The following MAP4K4 variants were observed in gnomAD, a reference collection of about 807,000 sequenced individuals.
The protein encoded by MAP4K4 is HPK/GCK-like kinase HGK.
In MAP4K4, 38 loss-of-function variants were observed where a neutral mutation model predicts 189.6. The observed-to-expected ratio is 0.20, with a 90% CI of 0.15 to 0.26. The LOEUF (loss-of-function observed/expected upper bound fraction) is 0.26. MAP4K4 is among the 10% of genes least tolerant of loss of function. MAP4K4 has a pLI of 1.00. For synonymous variants in MAP4K4, 610 were observed against 624.3 expected (o/e 0.98, Z 0.34); for missense variants, 1,054 against 1,726.9 (o/e 0.61, Z 6.91).
In MAP4K4 at chr2:101,882,694, T is replaced by C. The variant is rs2098418110; in HGVS notation, c.3520+9T>C. The C allele has an allele frequency of 6.5e-7, 1 of 1,543,020 alleles. No homozygotes were observed. The highest frequency in any genetic ancestry group is 8.7e-7 in the Non-Finnish European group (1 of 1,149,096). On this transcript the variant is annotated intron_variant, in intron 28 of 32. Transcript: ENST00000324219. The stretch of plus-strand genomic sequence containing the variant: ...TGTACATTATAAAGTTGGTAAGTTC[T>C]AGAAGCGTCATATTTTGTTTTTCCA...
chr2:101,886,037 G>A (rs1248557987), intron 29 of MAP4K4, among the ~76,000 whole-genome samples: 2 of 152,006 alleles, frequency 1.3e-5, no homozygotes, highest in African/African-American at 4.8e-5. Context: ...TGTGTTTTTG[G>A]ATTGCTTACT....
At chr2:101,865,629 G>A (rs535146157) in intron 18 of MAP4K4, among the ~76,000 whole-genome samples, 4 of 152,234 alleles carry the variant, frequency 2.6e-5, no homozygotes, top group African/African-American at 9.6e-5. Flanking sequence ...TATAGCTAGT[G>A]GCTATGATAT....
chr2:101,868,983 A>G (rs780993716), intron 21 of MAP4K4, among the ~76,000 whole-genome samples: 3 of 152,174 alleles, frequency 2.0e-5, no homozygotes, highest in Non-Finnish European at 4.4e-5. Flanking sequence ...CTCTAGTTAA[A>G]TAAGCCTGAT....
In MAP4K4 at chr2:101,887,250, C is replaced by G. The variant is rs2150311806; in HGVS notation, c.3771+13C>G. ...TCTACCAACACATGTAAGAAAGAAC[C>G]CACACTCTATGGTTGGTTGACTGGC... On this transcript the variant is annotated intron_variant, in intron 30 of 32. Transcript: ENST00000324219. 6.2e-7 allele frequency: 1 copy of G among 1,603,970 alleles called. No individual in the cohort carries two copies. Among genetic ancestry groups the G allele is most frequent in the East Asian group, 2.2e-5 (1 of 44,614 alleles).
At chr2:101,868,902 TGA>T (rs2150005161) in intron 21 of MAP4K4, among the ~76,000 whole-genome samples, 1 of 152,298 alleles carries the variant, frequency 6.6e-6, no homozygotes, top group Non-Finnish European at 1.5e-5. Context: ...CACAGATCCT[TGA>T]GCTTTGGTGT....
exon 28 of MAP4K4, chr2:101,882,572 T>C (rs1451540234): frequency 6.3e-7 from 1 of 1,597,068 alleles, no homozygotes; most frequent in African/African-American, 1.4e-5. Context: ...AAGTTACGTG[T>C]CTACTATTTG....
chr2:101,885,555 G>A (rs959661497), intron 29 of MAP4K4, among the ~76,000 whole-genome samples: 2 of 152,206 alleles, frequency 1.3e-5, no homozygotes, highest in African/African-American at 4.8e-5. Context: ...AAAGAGAACA[G>A]TACTTCCACC....
At chr2:101,800,843 G>C (rs1178645984) in intron 3 of MAP4K4, among the ~76,000 whole-genome samples, 1 of 152,066 alleles carries the variant, frequency 6.6e-6, no homozygotes, top group Non-Finnish European at 1.5e-5. Context: ...TGATCTCTTG[G>C]TAAATTAAAA....
At chr2:101,848,496 A>G (rs1253439617) in intron 12 of MAP4K4, among the ~76,000 whole-genome samples, 2 of 152,232 alleles carry the variant, frequency 1.3e-5, no homozygotes, top group African/African-American at 4.8e-5. Context: ...CTCATAAGAT[A>G]TTAAAACTGA....
At chr2:101,789,720 C>CA (rs2092515229) in intron 2 of MAP4K4, among the ~76,000 whole-genome samples, 1 of 152,176 alleles carries the variant, frequency 6.6e-6, no homozygotes, top group South Asian at 2.1e-4. Flanking sequence ...CCGTTTCTCA[C>CA]AAAGTTGTTA....
intron 2 of MAP4K4, among the ~76,000 whole-genome samples, chr2:101,720,392 A>T (rs182535670): frequency 3.1e-3 from 470 of 152,000 alleles, no homozygotes; most frequent in Non-Finnish European, 5.6e-3. Context: ...GCCAGGCTGG[A>T]TTTGAACTCC....
At chr2:101,892,698 C>T (rs2098587115) in exon 33 of MAP4K4, 4 of 339,924 alleles carry the variant, frequency 1.2e-5, no homozygotes, top group Non-Finnish European at 2.3e-5. Flanking sequence ...TATCGAAGTC[C>T]TGGCTTTTCT....
chr2:101,843,824 T>C (rs2096999223), intron 11 of MAP4K4, among the ~76,000 whole-genome samples: 1 of 152,208 alleles, frequency 6.6e-6, no homozygotes, highest in African/African-American at 2.4e-5. Flanking sequence ...CCTTTCCTTT[T>C]ACTGAGTTTG....
intron 2 of MAP4K4, among the ~76,000 whole-genome samples, chr2:101,758,006 CAA>C (rs766088058): frequency 1.1e-3 from 169 of 152,298 alleles, no homozygotes; most frequent in Non-Finnish European, 1.8e-3. Flanking sequence ...GCCTGAGTGA[CAA>C]GAGAGACTCC....
chr2:101,706,956 A>G (rs1374222393), intron 2 of MAP4K4, among the ~76,000 whole-genome samples: 3 of 152,084 alleles, frequency 2.0e-5, no homozygotes, highest in Non-Finnish European at 4.4e-5. Context: ...TCCTGTGGGT[A>G]TGGAGTGATG....
At chr2:101,849,220 T>C (rs749782107) in intron 12 of MAP4K4, among the ~76,000 whole-genome samples, 4 of 152,198 alleles carry the variant, frequency 2.6e-5, no homozygotes, top group Non-Finnish European at 5.9e-5. Context: ...CCACCTGGGC[T>C]CAAGTGATCC....
intron 30 of MAP4K4, 62 bp downstream of exon 30, chr2:101,887,299 T>A (rs1433972694): frequency 6.5e-7 from 1 of 1,527,338 alleles, no homozygotes; most frequent in Non-Finnish European, 8.8e-7. Context: ...GACTTTCTTC[T>A]TTACTCTGCT....
exon 17 of MAP4K4, chr2:101,863,919 T>C (rs1015718325): frequency 1.5e-6 from 2 of 1,367,568 alleles, no homozygotes; most frequent in African/African-American, 3.0e-5. Flanking sequence ...CACACCACCA[T>C]CTTCGTTCTC....
intron 2 of MAP4K4, among the ~76,000 whole-genome samples, chr2:101,758,281 G>A (rs989330912): frequency 9.9e-5 from 15 of 152,120 alleles, no homozygotes; most frequent in African/African-American, 3.6e-4. Flanking sequence ...TACAGTAGCT[G>A]TTTTACATTT....
Sources: gnomAD v4.1 joint callset for allele counts (sites outside exome capture counted in the v4.1 genomes callset) on GRCh38, gnomAD v4.1.1 for gene constraint, MANE v1.5 for transcripts, NCBI Gene and HGNC (gene_info 2026-07-23, HGNC 2026-07-21) for gene names.